NPEPPS: variants seen among roughly 807,000 people sequenced by gnomAD.
NPEPPS encodes the protein puromycin-sensitive aminopeptidase.
Under a neutral mutation model 115.5 loss-of-function variants are expected in NPEPPS, and 14 were observed. That is an observed-to-expected ratio of 0.12 (90% confidence interval 0.08 to 0.19). The LOEUF (loss-of-function observed/expected upper bound fraction) is 0.19. Among genes scored for constraint, NPEPPS ranks in the 10% least tolerant of loss-of-function variants. The probability of loss-of-function intolerance (pLI) is 1.00; values close to 1 mark genes in which losing one functional copy is unlikely to be tolerated. For missense variants in NPEPPS, 523 were observed against 1,110.8 expected, an observed-to-expected ratio of 0.47 and a Z score of 7.52; for synonymous variants, 285 against 390.6, an observed-to-expected ratio of 0.73 and a Z score of 3.19.
At chr17:47,567,055 G>C (rs1249306599) in intron 2 of NPEPPS, among the ~76,000 whole-genome samples, 1 of 152,058 alleles carries the variant, frequency 6.6e-6, no homozygotes, top group Admixed American at 6.6e-5. Context: ...ACTCCAGCCT[G>C]GGCAACAAAG....
chr17:47,617,509 A>T (rs200781163), intron 19 of NPEPPS, among the ~76,000 whole-genome samples: 2 of 125,258 alleles, frequency 1.6e-5, no homozygotes, highest in African/African-American at 5.2e-5. Flanking sequence ...ATATATATAT[A>T]TATTTTTTAG....
chr17:47,603,865 T>A (rs770208379), intron 15 of NPEPPS, 50 bp from the exon 16 acceptor site: 27 of 1,528,020 alleles, frequency 1.8e-5, no homozygotes, highest in Non-Finnish European at 2.3e-5. Context: ...AAAGGTTGAT[T>A]TAAAAAATTA....
At chr17:47,535,232 G>A (rs1186943260) in intron 1 of NPEPPS, among the ~76,000 whole-genome samples, 1 of 82,548 alleles carries the variant, frequency 1.2e-5, no homozygotes. Flanking sequence ...AACAGAGCAA[G>A]ACTCTGTCTC....
intron 20 of NPEPPS, 62 bp from the exon 21 acceptor site, chr17:47,618,947 A>G: frequency 2.0e-6 from 3 of 1,486,708 alleles, no homozygotes; most frequent in Non-Finnish European, 2.8e-6. Flanking sequence ...AGTATGGTGC[A>G]CTTTCTGGTA....
At chr17:47,567,091 C>T (rs1910870978) in intron 2 of NPEPPS, among the ~76,000 whole-genome samples, 1 of 152,044 alleles carries the variant, frequency 6.6e-6, no homozygotes, top group Non-Finnish European at 1.5e-5. Flanking sequence ...AAAAACAAAA[C>T]AAAACCAAAC....
At chr17:47,605,093 G>T (rs1913434831) in intron 16 of NPEPPS, among the ~76,000 whole-genome samples, 1 of 152,086 alleles carries the variant, frequency 6.6e-6, no homozygotes, top group African/African-American at 2.4e-5. Context: ...AGTAGTTCTT[G>T]TATAAATAGC....
intron 2 of NPEPPS, among the ~76,000 whole-genome samples, chr17:47,564,257 A>G (rs1024434878): frequency 6.6e-6 from 1 of 151,440 alleles, no homozygotes; most frequent in Non-Finnish European, 1.5e-5. Flanking sequence ...GCCAGGCACA[A>G]TGGTATACTC....
At chr17:47,602,672 T>C (rs1370648156) in intron 15 of NPEPPS, among the ~76,000 whole-genome samples, 3 of 151,432 alleles carry the variant, frequency 2.0e-5, no homozygotes, top group Admixed American at 2.0e-4. Context: ...TTTTTCTGTT[T>C]ATCAACTTCT....
chr17:47,570,076 CATTCT>C (rs1223469047), intron 3 of NPEPPS, among the ~76,000 whole-genome samples: 1 of 152,134 alleles, frequency 6.6e-6, no homozygotes. Flanking sequence ...AACTAAAGAT[CATTCT>C]ATCCTAGAAT....
rs749250073 is a variant in NPEPPS at position 47,618,346 on chromosome 17, G to A, written c.2296-4G>A. ...TATTCCTATCTTTATCTTTTTTCCT[G>A]TAGCTTCATAAACAAGCAGATATGC... On this transcript the variant is annotated splice_region_variant and splice_polypyrimidine_tract_variant and intron_variant, in intron 19 of 22. Coordinates refer to ENST00000322157, the MANE Select transcript of NPEPPS (RefSeq NM_006310.4). 27 of 1,598,618 alleles carry A rather than the reference G, an allele frequency of 1.7e-5. No individual in the cohort carries two copies. The Admixed American group carries it at 3.2e-4, about 19-fold the overall frequency.
intron 2 of NPEPPS, among the ~76,000 whole-genome samples, chr17:47,566,282 G>A (rs1910807490): frequency 1.3e-5 from 2 of 151,726 alleles, no homozygotes; most frequent in African/African-American, 4.8e-5. Context: ...CCTGGCCCTG[G>A]GCAACATTTT....
At chr17:47,604,101 C>G (rs1002137449) in intron 16 of NPEPPS, 52 bp downstream of exon 16, 1 of 1,554,832 alleles carries the variant, frequency 6.4e-7, no homozygotes, top group African/African-American at 1.4e-5. Context: ...TTAAAAGATT[C>G]TGTTTTTCCT....
In NPEPPS at chr17:47,531,247, C is replaced by G; in HGVS notation, c.-54C>G. 1 of 1,485,488 alleles carries G rather than the reference C, an allele frequency of 6.7e-7. No individual in the cohort carries two copies. The highest frequency in any genetic ancestry group is 8.9e-7 in the Non-Finnish European group (1 of 1,118,728). 92.0% of individuals were successfully genotyped at this position (1,485,488 alleles called of 1,614,324 possible). A position where few individuals can be genotyped will look rare whatever the true frequency, so the allele number is the denominator to read the frequency against. On this transcript the variant is annotated 5_prime_UTR_variant, in exon 1 of 23. Transcript: ENST00000322157. ...TAGCGCTCCGGCTGGGTCTCTCCCC[C>G]GCCCCCCAGGCTCCCCCGGTCGCTC... is the stretch of plus-strand genomic sequence containing the variant.
chr17:47,604,265 CTTAA>C (rs1165198386), intron 16 of NPEPPS: 5 of 395,070 alleles, frequency 1.3e-5, no homozygotes, highest in Non-Finnish European at 1.8e-5. Context: ...TTCTGAAACT[CTTAA>C]TTAAACTATC....
At chr17:47,582,617 A>G (rs1230057975) in intron 4 of NPEPPS, 125 bp from the exon 5 acceptor site, 1 of 725,880 alleles carries the variant, frequency 1.4e-6, no homozygotes, top group East Asian at 2.7e-5. Flanking sequence ...GTTGCCTGGC[A>G]CTGAAGAGAA....
intron 17 of NPEPPS, among the ~76,000 whole-genome samples, chr17:47,609,336 A>T (rs187008525): frequency 6.6e-6 from 1 of 152,182 alleles, no homozygotes; most frequent in Non-Finnish European, 1.5e-5. Flanking sequence ...TGGATGTTGC[A>T]CTTTTCTTTC....
rs529307988 is a variant in NPEPPS at position 47,610,394 on chromosome 17, T to TG, written c.2096-2057dup. Among the ~76,000 whole-genome samples the TG allele has an allele frequency of 6.5e-3, 978 of 150,624 alleles. 5 individuals are homozygous for TG. The highest frequency in any genetic ancestry group is 0.018 in the African/African-American group (716 of 40,798). On this transcript the variant is annotated intron_variant, in intron 17 of 22. Transcript: ENST00000322157. Reference sequence around the variant, plus strand: ...ATCAGTCTTTCATTCCTTTTTTTTTTGGGGGGGGGTAACAGAGTCTCACAC... The same window carrying TG: ...ATCAGTCTTTCATTCCTTTTTTTTTTGGGGGGGGGGTAACAGAGTCTCACAC...
At chr17:47,574,940 A>T (rs1393718914) in intron 3 of NPEPPS, among the ~76,000 whole-genome samples, 1 of 152,298 alleles carries the variant, frequency 6.6e-6, no homozygotes, top group African/African-American at 2.4e-5. Context: ...AGATAAACTA[A>T]GGCAGAAAAA....
chr17:47,575,860 G>A lies in NPEPPS; in HGVS notation c.419-3530G>A, dbSNP rs571879590. Among the ~76,000 whole-genome samples the A allele has an allele frequency of 1.1e-3, 161 of 151,610 alleles. 1 individual carries two copies. The highest frequency in any genetic ancestry group is 3.8e-3 in the African/African-American group (155 of 41,308). On this transcript the variant is annotated intron_variant, in intron 3 of 22. Coordinates refer to ENST00000322157, the MANE Select transcript of NPEPPS (RefSeq NM_006310.4). ...CCTGACCTCGTGATCCGCCCACCTC[G>A]GCCTCCCAAAGTGCTGGAATTACAG...
Sources: gnomAD v4.1 joint callset for allele counts (sites outside exome capture counted in the v4.1 genomes callset) on GRCh38, gnomAD v4.1.1 for gene constraint, MANE v1.5 for transcripts, NCBI Gene and HGNC (gene_info 2026-07-23, HGNC 2026-07-21) for gene names.